PEX5L: variants seen among roughly 807,000 people sequenced by gnomAD.
The protein encoded by PEX5L is peroxisomal biogenesis factor 5 like.
Under a neutral mutation model 84.0 loss-of-function variants are expected in PEX5L, and 30 were observed. The observed-to-expected ratio is 0.36, with a 90% CI of 0.27 to 0.48. The LOEUF is 0.48. PEX5L is among the 20% of genes least tolerant of loss of function. The probability of loss-of-function intolerance (pLI) is 0.99; values close to 1 mark genes in which losing one functional copy is unlikely to be tolerated. For missense variants in PEX5L, 533 were observed against 754.6 expected (o/e 0.71, Z 3.44); for synonymous variants, 270 against 283.1 (o/e 0.95, Z 0.46).
intron 1 of PEX5L, among the ~76,000 whole-genome samples, chr3:179,972,928 C>T (rs908494678): frequency 2.6e-5 from 4 of 152,086 alleles, no homozygotes; most frequent in African/African-American, 9.7e-5. Flanking sequence ...CAGAACAGAA[C>T]AGATGGCCAC....
At chr3:179,818,066 T>C (rs1030733629) in intron 9 of PEX5L, among the ~76,000 whole-genome samples, 36 of 152,198 alleles carry the variant, frequency 2.4e-4, no homozygotes, top group Non-Finnish European at 4.4e-5. Context: ...TTAATGACTA[T>C]GTAGATTGCA....
At chr3:180,026,522 A>C (rs1057476273) in intron 1 of PEX5L, among the ~76,000 whole-genome samples, 4 of 152,194 alleles carry the variant, frequency 2.6e-5, no homozygotes, top group Non-Finnish European at 5.9e-5. Context: ...TATGTATTTT[A>C]ATTCCCTAAT....
intron 1 of PEX5L, among the ~76,000 whole-genome samples, chr3:180,005,659 G>T (rs1032079821): frequency 6.6e-6 from 1 of 152,050 alleles, no homozygotes; most frequent in Non-Finnish European, 1.5e-5. Context: ...AACACGGGAG[G>T]TGGAGCTTGC....
chr3:179,944,981 TAGC>T (rs1560840456), intron 2 of PEX5L, among the ~76,000 whole-genome samples: 1 of 152,236 alleles, frequency 6.6e-6, no homozygotes, highest in Non-Finnish European at 1.5e-5. Flanking sequence ...TATTTCTTGA[TAGC>T]AGGTTGTCAT....
chr3:179,932,473 A>C (rs1773379632), intron 2 of PEX5L, among the ~76,000 whole-genome samples: 1 of 152,150 alleles, frequency 6.6e-6, no homozygotes, highest in Admixed American at 6.5e-5. Flanking sequence ...ATCTATCTTC[A>C]TGTTTTAAAC....
chr3:179,924,738 A>T (rs17748709), intron 2 of PEX5L, among the ~76,000 whole-genome samples: 48,521 of 152,016 alleles, frequency 0.32, 7,921 homozygotes, highest in Non-Finnish European at 0.34. Context: ...TACCTGCAAA[A>T]AGGATGGCAT....
intron 7 of PEX5L, among the ~76,000 whole-genome samples, chr3:179,860,108 G>A (rs1041219422): frequency 6.9e-6 from 1 of 144,094 alleles, no homozygotes; most frequent in Non-Finnish European, 1.5e-5. Flanking sequence ...ACCTTGGAGA[G>A]TTTCCATTTT....
chr3:179,942,960 C>T (rs1776558739), intron 2 of PEX5L, among the ~76,000 whole-genome samples: 2 of 152,190 alleles, frequency 1.3e-5, no homozygotes, highest in Non-Finnish European at 2.9e-5. Flanking sequence ...TCCAGCAATG[C>T]AGTAATGTCC....
At chr3:179,941,059 C>T (rs1220011692) in intron 2 of PEX5L, among the ~76,000 whole-genome samples, 3 of 152,136 alleles carry the variant, frequency 2.0e-5, no homozygotes, top group African/African-American at 7.2e-5. Flanking sequence ...GTAACAGTGG[C>T]AGACGCAGTG....
At position 179,896,686 on chromosome 3, in the gene PEX5L, A is replaced by G. The variant is rs150282640; in HGVS notation, c.198+1456T>C. The stretch of plus-strand genomic sequence containing the variant: ...GTCCTGAGGTGATATGTTACAGTAC[A>G]ACTGTGCCAATTGCAAATTTGGTTA... On this transcript the variant is annotated intron_variant, in intron 3 of 14. Coordinates refer to ENST00000467460, the MANE Select transcript of PEX5L (RefSeq NM_016559.3). 9.5e-4 allele frequency among the ~76,000 whole-genome samples: 145 copies of G among 152,210 alleles called. 1 individual carries two copies. Among genetic ancestry groups the G allele is most frequent in the Non-Finnish European group, 1.6e-4 (11 of 67,988 alleles).
rs879801904 is a variant in PEX5L at position 179,798,929 on chromosome 3, GTTTTT to G, written c.*2894_*2898del. 1.3e-5 allele frequency: 2 copies of G among 151,692 alleles called. No individual in the cohort carries two copies. The highest frequency in any genetic ancestry group is 2.9e-5 in the Non-Finnish European group (2 of 67,914). 9.4% of individuals were successfully genotyped at this position (151,692 alleles called of 1,614,324 possible). On this transcript the variant is annotated 3_prime_UTR_variant, in exon 15 of 15. Coordinates refer to ENST00000467460, the MANE Select transcript of PEX5L (RefSeq NM_016559.3). Reference sequence around the variant, plus strand: ...TATTCCTATAAACTGTCACTTTTTTGTTTTTTTTGAGACGGAGTCTCGCTCTGTCA... The same window carrying G: ...TATTCCTATAAACTGTCACTTTTTTGTTTGAGACGGAGTCTCGCTCTGTCA...
At chr3:180,021,007 C>G (rs1320509072) in intron 1 of PEX5L, among the ~76,000 whole-genome samples, 1 of 152,082 alleles carries the variant, frequency 6.6e-6, no homozygotes, top group Non-Finnish European at 1.5e-5. Context: ...ACCACCCCAC[C>G]AAGAAGTAGG....
chr3:179,846,187 T>C (rs1235992872), intron 8 of PEX5L, among the ~76,000 whole-genome samples: 2 of 151,948 alleles, frequency 1.3e-5, no homozygotes, highest in Non-Finnish European at 2.9e-5. Context: ...CAAAAAAAAC[T>C]ATGATAGTTA....
At chr3:179,947,658 C>A (rs1254180225) in intron 2 of PEX5L, among the ~76,000 whole-genome samples, 1 of 150,902 alleles carries the variant, frequency 6.6e-6, no homozygotes, top group Non-Finnish European at 1.5e-5. Context: ...TTTGTAGTTG[C>A]CAAATTTTAA....
At chr3:179,986,635 C>T (rs1266813773) in intron 1 of PEX5L, among the ~76,000 whole-genome samples, 1 of 152,104 alleles carries the variant, frequency 6.6e-6, no homozygotes, top group Admixed American at 6.5e-5. Flanking sequence ...ATCTCCTGAC[C>T]TCGTGATCCG....
intron 1 of PEX5L, among the ~76,000 whole-genome samples, chr3:180,036,271 G>A (rs112860080): frequency 6.6e-6 from 1 of 152,062 alleles, no homozygotes; most frequent in Non-Finnish European, 1.5e-5. Context: ...GGATTACAAC[G>A]GAAACACGGT....
At chr3:180,003,838 C>G (rs1450634262) in intron 1 of PEX5L, among the ~76,000 whole-genome samples, 1 of 152,116 alleles carries the variant, frequency 6.6e-6, no homozygotes, top group Non-Finnish European at 1.5e-5. Flanking sequence ...TTCTTAATAT[C>G]CAGTAGACAT....
chr3:179,973,045 A>G, intron 1 of PEX5L: 1 of 457,674 alleles, frequency 2.2e-6, no homozygotes, highest in African/African-American at 2.1e-5. Flanking sequence ...CTTCCTTCCT[A>G]TCATTTTGCT....
At chr3:179,965,745 T>A (rs554069199) in intron 2 of PEX5L, among the ~76,000 whole-genome samples, 1 of 152,250 alleles carries the variant, frequency 6.6e-6, no homozygotes, top group African/African-American at 2.4e-5. Flanking sequence ...AAACTCAGCA[T>A]CGTGAGTTTA....
Sources: allele counts gnomAD v4.1 joint callset (sites outside exome capture counted in the v4.1 genomes callset), GRCh38; gene constraint gnomAD v4.1.1; transcripts MANE v1.5; gene names NCBI Gene and HGNC (gene_info 2026-07-23, HGNC 2026-07-21).